The following TDRD9 variants were observed in gnomAD, a reference collection of about 807,000 sequenced individuals.
TDRD9 encodes ATP-dependent RNA helicase TDRD9.
TDRD9 carries 124 observed loss-of-function variants against 172.6 expected under a neutral mutation model. That is an observed-to-expected ratio of 0.72 (90% confidence interval 0.62 to 0.83). The LOEUF is 0.83. TDRD9 is among the 40% of genes least tolerant of loss of function. TDRD9 has a pLI of 0.00. For missense variants in TDRD9, 1,479 were observed against 1,714.1 expected, an observed-to-expected ratio of 0.86 and a Z score of 2.42; for synonymous variants, 619 against 617.1, an observed-to-expected ratio of 1.00 and a Z score of -0.05.
rs537370702 is a variant in TDRD9, at chr14:103,996,026, G to A, written c.1378+219G>A. 9.9e-5 allele frequency among the ~76,000 whole-genome samples: 15 copies of A among 152,248 alleles called. 1 individual carries two copies. In the South Asian group the frequency reaches 2.1e-3, roughly 21 times the overall value. On this transcript the variant is annotated intron_variant, in intron 12 of 35. Coordinates refer to ENST00000409874, the MANE Select transcript of TDRD9 (RefSeq NM_153046.3). Reference sequence around the variant, plus strand: ...TTCATCCTTTAGGGCAAGCTGGCTCGTCGGAAGTGTTTGGGGTGTTCCACT... The same window carrying A: ...TTCATCCTTTAGGGCAAGCTGGCTCATCGGAAGTGTTTGGGGTGTTCCACT...
intron 28 of TDRD9, among the ~76,000 whole-genome samples, chr14:104,027,282 T>G (rs2035153196): frequency 6.6e-6 from 1 of 152,186 alleles, no homozygotes. Context: ...ACTCCTGGGC[T>G]TAAGGGATCC....
At chr14:104,050,390 A>G (rs1295955240) in intron 35 of TDRD9, among the ~76,000 whole-genome samples, 1 of 152,190 alleles carries the variant, frequency 6.6e-6, no homozygotes, top group Non-Finnish European at 1.5e-5. Flanking sequence ...CAGTTGAGTC[A>G]TGAAGAAGGA....
chr14:104,022,710 G>A (rs2034996890), intron 24 of TDRD9, among the ~76,000 whole-genome samples: 1 of 150,032 alleles, frequency 6.7e-6, no homozygotes, highest in African/African-American at 2.4e-5. Context: ...CTGGGCGACA[G>A]AACAAGACGC....
At chr14:104,035,186 G>A (rs1246300521) in intron 32 of TDRD9, 130 bp downstream of exon 32, 23 of 662,796 alleles carry the variant, frequency 3.5e-5, no homozygotes, top group Admixed American at 1.1e-4. Flanking sequence ...CTCGCTGCTT[G>A]GGGTGAAGCC....
chr14:104,001,221 A>G (rs1048159851), intron 13 of TDRD9, among the ~76,000 whole-genome samples: 1 of 152,244 alleles, frequency 6.6e-6, no homozygotes, highest in African/African-American at 2.4e-5. Flanking sequence ...GCCCCCTTGC[A>G]GCCATACCTG....
intron 7 of TDRD9, among the ~76,000 whole-genome samples, chr14:103,983,841 A>G (rs1566759202): frequency 6.6e-6 from 1 of 152,242 alleles, no homozygotes; most frequent in Non-Finnish European, 1.5e-5. Flanking sequence ...GAAAGTTTGG[A>G]ACTTCCTAGA....
intron 22 of TDRD9, among the ~76,000 whole-genome samples, chr14:104,017,509 A>G (rs2034829011): frequency 6.6e-6 from 1 of 152,356 alleles, no homozygotes; most frequent in Non-Finnish European, 1.5e-5. Context: ...GCCCCAGCCC[A>G]TGCCTTCACT....
intron 4 of TDRD9, among the ~76,000 whole-genome samples, chr14:103,966,468 T>TAC (rs1430845224): frequency 6.6e-6 from 1 of 152,368 alleles, no homozygotes; most frequent in East Asian, 1.9e-4. Context: ...GATGTCTTGA[T>TAC]ACACAATTGT....
chr14:104,008,139 T>C (rs886776439), intron 19 of TDRD9, among the ~76,000 whole-genome samples: 1 of 152,202 alleles, frequency 6.6e-6, no homozygotes, highest in African/African-American at 2.4e-5. Context: ...TTGTCAGACA[T>C]CTTTTTTCAA....
At chr14:103,968,403 T>G (rs1410411165) in intron 5 of TDRD9, among the ~76,000 whole-genome samples, 1 of 152,240 alleles carries the variant, frequency 6.6e-6, no homozygotes, top group East Asian at 1.9e-4. Context: ...TGGGATTATT[T>G]GAATTTCAAA....
chr14:103,971,127 G>A (rs2033005890), intron 6 of TDRD9, among the ~76,000 whole-genome samples: 1 of 151,738 alleles, frequency 6.6e-6, no homozygotes, highest in Non-Finnish European at 1.5e-5. Context: ...GGGACTACAG[G>A]CACCCACCAC....
chr14:103,936,424 T>C (rs55860239), intron 1 of TDRD9, among the ~76,000 whole-genome samples: 4,605 of 152,252 alleles, frequency 0.03, 114 homozygotes, highest in Middle Eastern at 0.082. Flanking sequence ...GCTTACAATA[T>C]GTCATGTCCT....
At chr14:104,030,499 A>G (rs568311658) in intron 28 of TDRD9, among the ~76,000 whole-genome samples, 2 of 152,360 alleles carry the variant, frequency 1.3e-5, no homozygotes, top group Admixed American at 1.3e-4. Context: ...CTCAAAGCAA[A>G]CGAACAAACA....
At chr14:103,934,157 C>T (rs926869391) in intron 1 of TDRD9, among the ~76,000 whole-genome samples, 1 of 152,148 alleles carries the variant, frequency 6.6e-6, no homozygotes, top group Non-Finnish European at 1.5e-5. Context: ...GCTGGGACTA[C>T]AGGCACGTGC....
chr14:103,935,237 C>A (rs1206650558), intron 1 of TDRD9, among the ~76,000 whole-genome samples: 1 of 152,218 alleles, frequency 6.6e-6, no homozygotes, highest in African/African-American at 2.4e-5. Flanking sequence ...ATGACTGACA[C>A]ATCATTCAAG....
intron 9 of TDRD9, among the ~76,000 whole-genome samples, chr14:103,993,056 A>G (rs1179189273): frequency 6.6e-6 from 1 of 151,610 alleles, no homozygotes; most frequent in Non-Finnish European, 1.5e-5. Context: ...TGCAGCCTCT[A>G]CCTTCTGGGC....
At chr14:104,020,395 TG>T (rs918597334) in intron 23 of TDRD9, among the ~76,000 whole-genome samples, 8 of 152,184 alleles carry the variant, frequency 5.3e-5, no homozygotes, top group African/African-American at 1.9e-4. Flanking sequence ...TGATTGCATG[TG>T]GGGGGCAAAG....
intron 28 of TDRD9, among the ~76,000 whole-genome samples, chr14:104,028,246 T>C (rs2035182726): frequency 6.6e-6 from 1 of 152,224 alleles, no homozygotes; most frequent in Non-Finnish European, 1.5e-5. Context: ...GTACTGTTTT[T>C]AGTTTTTTGA....
intron 1 of TDRD9, chr14:103,945,317 A>G (rs187440368): frequency 1.4e-4 from 22 of 152,196 alleles, no homozygotes; most frequent in African/African-American, 5.3e-4. Flanking sequence ...TTTTCTTACC[A>G]CCTTAACTCA....
Sources: allele counts gnomAD v4.1 joint callset (sites outside exome capture counted in the v4.1 genomes callset), GRCh38; gene constraint gnomAD v4.1.1; transcripts MANE v1.5; gene names NCBI Gene and HGNC (gene_info 2026-07-23, HGNC 2026-07-21).